Variants in MTCL2 observed in about 807,000 individuals in gnomAD.
MTCL2 encodes microtubule crosslinking factor 2.
the MTCL2 span, among the ~76,000 whole-genome samples, chr20:36,823,673 T>C: frequency 6.6e-6 from 1 of 152,096 alleles, no homozygotes; most frequent in Non-Finnish European, 1.5e-5. Flanking sequence ...CCAGGTGTGG[T>C]GGCGTGCGCC....
the MTCL2 span, chr20:36,863,010 G>T: frequency 7.1e-7 from 1 of 1,400,596 alleles, no homozygotes; most frequent in Admixed American, 2.6e-5. The surrounding 1 kb of genome is among the most constrained non-coding windows in gnomAD (Gnocchi z 6.2). Context: ...GCTGGGGGGC[G>T]GCGGTGGCGG....
At chr20:36,844,420 A>G in the MTCL2 span, among the ~76,000 whole-genome samples, 2 of 150,934 alleles carry the variant, frequency 1.3e-5, no homozygotes, top group African/African-American at 4.9e-5. Context: ...AATAATAATA[A>G]TAACAACAAT....
the MTCL2 span, among the ~76,000 whole-genome samples, chr20:36,846,457 C>G: frequency 6.6e-6 from 1 of 152,206 alleles, no homozygotes; most frequent in Non-Finnish European, 1.5e-5. Context: ...GATGGGGGAC[C>G]AGGGCACCCA....
chr20:36,841,874 G>GGGGGTGTGTGT, the MTCL2 span, among the ~76,000 whole-genome samples: 17 of 110,864 alleles, frequency 1.5e-4, no homozygotes, highest in African/African-American at 5.1e-4. Context: ...TGGGGGGTGG[G>GGGGGTGTGTGT]GTGTGTGTGT....
At chr20:36,823,039 G>A in the MTCL2 span, among the ~76,000 whole-genome samples, 6 of 152,318 alleles carry the variant, frequency 3.9e-5, no homozygotes, top group East Asian at 3.9e-4. Flanking sequence ...GATTACAGGC[G>A]TGAGCCACTG....
the MTCL2 span, among the ~76,000 whole-genome samples, chr20:36,859,337 C>T: frequency 1.3e-5 from 2 of 152,130 alleles, no homozygotes; most frequent in Admixed American, 6.5e-5. Context: ...TCTCAGGTGA[C>T]GTGTCTGCTC....
the MTCL2 span, among the ~76,000 whole-genome samples, chr20:36,834,937 G>A: frequency 6.6e-6 from 1 of 151,976 alleles, no homozygotes; most frequent in Non-Finnish European, 1.5e-5. Context: ...AGGAGGCAGA[G>A]GTTGCTGAGA....
chr20:36,809,404 G>A, the MTCL2 span, among the ~76,000 whole-genome samples: 6 of 152,074 alleles, frequency 3.9e-5, no homozygotes, highest in Non-Finnish European at 7.4e-5. Context: ...CCTGATGAGG[G>A]CACCATTTCA....
the MTCL2 span, chr20:36,785,936 TG>T: frequency 2.0e-6 from 2 of 988,148 alleles, no homozygotes; most frequent in Non-Finnish European, 2.4e-6. Context: ...GCAGTGGGGC[TG>T]GGAGGAGGAG....
At chr20:36,798,072 A>ATT in the MTCL2 span, among the ~76,000 whole-genome samples, 37 of 142,770 alleles carry the variant, frequency 2.6e-4, no homozygotes, top group African/African-American at 6.9e-4. Context: ...ACATTAGTTA[A>ATT]TTTTTTTTTT....
At chr20:36,794,610 C>G in the MTCL2 span, 4 of 1,614,010 alleles carry the variant, frequency 2.5e-6, no homozygotes, top group South Asian at 4.4e-5. This position sits in a 1 kb window ranked among gnomAD's most constrained non-coding sequence, Gnocchi z 5.4. Context: ...CTGCGAAGGA[C>G]AGAGGAGGAA....
chr20:36,802,731 G>A, the MTCL2 span: 1 of 1,155,572 alleles, frequency 8.7e-7, no homozygotes, highest in South Asian at 1.6e-5. Context: ...GAAGGAGATG[G>A]TGTGCCAGAC....
the MTCL2 span, chr20:36,784,667 C>A: frequency 6.1e-6 from 6 of 985,450 alleles, no homozygotes; most frequent in Non-Finnish European, 7.2e-6. Flanking sequence ...GAGGCGCTGC[C>A]CCACATGCTG....
the MTCL2 span, among the ~76,000 whole-genome samples, chr20:36,851,816 A>C: frequency 1.3e-5 from 2 of 152,178 alleles, no homozygotes; most frequent in Non-Finnish European, 2.9e-5. Flanking sequence ...GACACACAGA[A>C]CAGCTCAATA....
the MTCL2 span, chr20:36,808,599 G>A: frequency 4.3e-4 from 701 of 1,611,844 alleles, 2 homozygotes; most frequent in Non-Finnish European, 5.8e-4. Flanking sequence ...AAGAGCAGCA[G>A]GAAGTTGTGC....
the MTCL2 span, chr20:36,859,635 C>G: frequency 8.1e-7 from 1 of 1,231,740 alleles, no homozygotes; most frequent in Non-Finnish European, 1.0e-6. Flanking sequence ...TTATGCTTTC[C>G]TCACTTGGAC....
chr20:36,842,024 C>T, the MTCL2 span, among the ~76,000 whole-genome samples: 1 of 152,018 alleles, frequency 6.6e-6, no homozygotes, highest in Non-Finnish European at 1.5e-5. Flanking sequence ...AGCCACCATG[C>T]CTGGCCTGGG....
chr20:36,815,692 T>C, the MTCL2 span: 1 of 1,604,776 alleles, frequency 6.2e-7, no homozygotes, highest in Non-Finnish European at 8.5e-7. This position sits in a 1 kb window ranked among gnomAD's most constrained non-coding sequence, Gnocchi z 5.3. Context: ...ACCTTGCCGC[T>C]GAGCTCGCCG....
the MTCL2 span, among the ~76,000 whole-genome samples, chr20:36,800,306 T>G: frequency 1.3e-5 from 2 of 152,268 alleles, no homozygotes; most frequent in Admixed American, 6.5e-5. Context: ...GTTAATATAA[T>G]AAGAAGGAAT....
Sources: allele counts gnomAD v4.1 joint callset (sites outside exome capture counted in the v4.1 genomes callset), GRCh38; gene constraint gnomAD v4.1.1; non-coding constraint Gnocchi (gnomAD v3.1); transcripts MANE v1.5; gene names NCBI Gene and HGNC (gene_info 2026-07-23, HGNC 2026-07-21).